SULF2: variants seen among roughly 807,000 people sequenced by gnomAD.
SULF2 encodes the protein sulfatase 2.
In SULF2, 52 loss-of-function variants were observed where a neutral mutation model predicts 107.7. The ratio of observed to expected loss-of-function variants is 0.48; its 90% CI spans 0.39 to 0.61. The LOEUF is 0.61. Among genes scored for constraint, SULF2 ranks in the 20% least tolerant of loss-of-function variants. The probability of loss-of-function intolerance (pLI) is 0.00; values close to 1 mark genes in which losing one functional copy is unlikely to be tolerated. For missense variants in SULF2, 993 were observed against 1,177.3 expected (o/e 0.84, Z 2.29); for synonymous variants, 460 against 464.3 (o/e 0.99, Z 0.12).
At chr20:47,746,994 AATATATATAT>A (rs57147246) in intron 2 of SULF2, among the ~76,000 whole-genome samples, 1 of 131,894 alleles carries the variant, frequency 7.6e-6, no homozygotes, top group Non-Finnish European at 1.6e-5. Context: ...AAAAAAAAAA[AATATATATAT>A]ATATATATAT....
intron 1 of SULF2, among the ~76,000 whole-genome samples, chr20:47,764,849 A>C (rs1481790205): frequency 6.6e-6 from 1 of 152,204 alleles, no homozygotes; most frequent in African/African-American, 2.4e-5. Context: ...AGCTAACATC[A>C]GGGGCCCTGC....
At chr20:47,720,316 A>T (rs1230962737) in intron 3 of SULF2, among the ~76,000 whole-genome samples, 1 of 151,922 alleles carries the variant, frequency 6.6e-6, no homozygotes, top group Non-Finnish European at 1.5e-5. Flanking sequence ...GAGTGCAGTG[A>T]CATGATCTTG....
At chr20:47,696,954 C>A (rs973875848) in intron 4 of SULF2, among the ~76,000 whole-genome samples, 1 of 152,138 alleles carries the variant, frequency 6.6e-6, no homozygotes, top group African/African-American at 2.4e-5. Context: ...TCCATCACGC[C>A]GTCTCCTGCC....
chr20:47,730,760 T>C (rs1291060153), intron 3 of SULF2, among the ~76,000 whole-genome samples: 1 of 151,662 alleles, frequency 6.6e-6, no homozygotes, highest in African/African-American at 2.4e-5. Flanking sequence ...CTGATGTTAC[T>C]TTTTTTTTGT....
rs374191445 is a variant in SULF2 at position 47,779,823 on chromosome 20, T to C, written c.-101+5520A>G. ...GGTTTCACCATGTTGGCCAGGCTAG[T>C]CTTGAACTCCTGACCTCAGGTGATC... On this transcript the variant is annotated intron_variant, in intron 1 of 20. Coordinates refer to ENST00000688720, the MANE Select transcript of SULF2 (RefSeq NM_001387048.1). Among the ~76,000 whole-genome samples the C allele has an allele frequency of 7.2e-5, 11 of 152,244 alleles. No individual in the cohort carries two copies. The East Asian group carries it at 1.7e-3, about 24-fold the overall frequency.
At position 47,678,795 on chromosome 20, in the gene SULF2, G is replaced by A; in HGVS notation, c.1074C>T (p.His358=). ...PNVEAGCLNP[H]IVLNIDLAPT... Reference sequence around the variant, plus strand: ...GGGCCAGGTCAATGTTGAGGACGATGTGGGGATTCCTGGGGGAGGCAGGAG... The same window carrying A: ...GGGCCAGGTCAATGTTGAGGACGATATGGGGATTCCTGGGGGAGGCAGGAG... Residue 358 remains histidine, a synonymous_variant, in exon 8 of 21, where the codon CAC becomes CAT. Coordinates refer to ENST00000688720, the MANE Select transcript of SULF2 (RefSeq NM_001387048.1). This position sits in a 1 kb window ranked among gnomAD's most constrained non-coding sequence, Gnocchi z 4.5. The A allele has an allele frequency of 6.2e-7, 1 of 1,613,444 alleles. No individual in the cohort carries two copies. The highest frequency in any genetic ancestry group is 1.7e-5 in the Admixed American group (1 of 60,000).
At chr20:47,758,768 GAGCATGA>G (rs370567345) in intron 1 of SULF2, among the ~76,000 whole-genome samples, 342 of 152,332 alleles carry the variant, frequency 2.2e-3, no homozygotes, top group African/African-American at 8.1e-3. Context: ...TAAAACAAGA[GAGCATGA>G]GCGAGAGAGC....
rs114645538 is a variant in SULF2 at position 47,683,157 on chromosome 20, G to A, written c.901C>T (p.Leu301=). The A allele has an allele frequency of 4.1e-4, 657 of 1,600,440 alleles. 4 individuals carry two copies. In the African/African-American group the frequency reaches 7.9e-3, roughly 19 times the overall value. The change falls in exon 7 of 21, where the codon CTG becomes TTG. Residue 301 remains leucine (L), a synonymous_variant. Transcript: ENST00000688720. Reference sequence around the variant, plus strand: ...TTGTCCAGCTCGCCCGTCTCAACCAGCATGTTGTAAATCTGCAACACGGGC... The same window carrying A: ...TTGTCCAGCTCGCCCGTCTCAACCAACATGTTGTAAATCTGCAACACGGGC... The part of the protein sequence containing the change: ...DDSMETIYNM[L]VETGELDNTY...
intron 2 of SULF2, among the ~76,000 whole-genome samples, chr20:47,745,408 AAAATATATATATATATATATAT>A (rs2090003573): frequency 6.2e-5 from 1 of 16,200 alleles, no homozygotes; most frequent in Admixed American, 1.1e-3. Flanking sequence ...AAAAAAAAAA[AAAATATATATATATATATATAT>A]ATATATATAT....
chr20:47,715,964 T>C (rs2089107575), intron 3 of SULF2, among the ~76,000 whole-genome samples: 2 of 152,234 alleles, frequency 1.3e-5, no homozygotes, highest in African/African-American at 4.8e-5. Context: ...CTTGTCTTCC[T>C]ATTTGCTTGT....
At chr20:47,760,493 TA>T (rs1355839804) in intron 1 of SULF2, among the ~76,000 whole-genome samples, 3 of 152,120 alleles carry the variant, frequency 2.0e-5, no homozygotes, top group African/African-American at 7.2e-5. Flanking sequence ...CTCGGGAAAG[TA>T]AGGGCTCCTG....
At chr20:47,677,054 T>G in intron 9 of SULF2, 24 bp downstream of exon 9, 1 of 1,611,302 alleles carries the variant, frequency 6.2e-7, no homozygotes, top group Non-Finnish European at 8.5e-7. Flanking sequence ...GGCAGGGGTG[T>G]CCCTCCCAGG....
At chr20:47,688,575 C>T (rs1037022933) in intron 5 of SULF2, among the ~76,000 whole-genome samples, 11 of 152,218 alleles carry the variant, frequency 7.2e-5, no homozygotes, top group Non-Finnish European at 1.5e-4. Flanking sequence ...GAGTGGCCTC[C>T]ACCCGCTGCA....
intron 4 of SULF2, among the ~76,000 whole-genome samples, chr20:47,691,590 C>T (rs1398680565): frequency 1.3e-5 from 2 of 152,128 alleles, no homozygotes; most frequent in Non-Finnish European, 2.9e-5. Flanking sequence ...GAGTTCCAGG[C>T]AGAGATAACG....
intron 2 of SULF2, among the ~76,000 whole-genome samples, chr20:47,742,991 TG>T (rs1245556611): frequency 2.8e-5 from 4 of 140,376 alleles, no homozygotes; most frequent in African/African-American, 5.3e-5. Flanking sequence ...TCCTATCTGT[TG>T]GAGGCCTGCT....
chr20:47,770,053 G>GTTTT (rs56786760), intron 1 of SULF2, among the ~76,000 whole-genome samples: 723 of 63,108 alleles, frequency 0.011, 63 homozygotes, highest in African/African-American at 0.034. Context: ...ATCTGGTGTA[G>GTTTT]TTTTTTTTTT....
rs374952714 is a variant in SULF2, at chr20:47,666,125, C to T, written c.1805+135G>A. 11 of 1,612,566 alleles carry T rather than the reference C, an allele frequency of 6.8e-6. No individual in the cohort carries two copies. In the Admixed American group the frequency reaches 1.0e-4, roughly 15 times the overall value. Reference sequence around the variant, plus strand: ...TTAATGGGGTTGGCGGCTGAATAGTCGGGAAGGCCTCCAGTGCCACTGAAG... The same window carrying T: ...TTAATGGGGTTGGCGGCTGAATAGTTGGGAAGGCCTCCAGTGCCACTGAAG... On this transcript the variant is annotated intron_variant, in intron 12 of 20. Coordinates refer to ENST00000688720, the MANE Select transcript of SULF2 (RefSeq NM_001387048.1). The surrounding 1 kb of genome is among the most constrained non-coding windows in gnomAD (Gnocchi z 5.4).
In SULF2 at chr20:47,676,975, C is replaced by G. The variant is rs2087662637; in HGVS notation, c.1250+103G>C. 8.5e-6 allele frequency: 11 copies of G among 1,293,968 alleles called. No individual in the cohort carries two copies. The South Asian group carries it at 1.4e-4, about 16-fold the overall frequency. 80.2% of individuals were successfully genotyped at this position (1,293,968 alleles called of 1,614,324 possible). ...GGGGCCTTTGGACCAACTTCAGAGCCATGGGCAGCTCCTGAATAGCATGAT... is the reference window on the plus strand; with the variant it reads ...GGGGCCTTTGGACCAACTTCAGAGCGATGGGCAGCTCCTGAATAGCATGAT... On this transcript the variant is annotated intron_variant, in intron 9 of 20. Transcript: ENST00000688720.
Position 47,666,347 on chromosome 20 carries a change from T to C in SULF2, c.1718A>G (p.Asp573Gly). Residue 573 changes from aspartate to glycine, a missense_variant, in exon 12 of 21, where the codon GAC becomes GGC. Around this residue, in one of 3 missense-constraint regions of SULF2, gnomAD observed 497 missense variants for 544.1 expected, o/e 0.91. Coordinates refer to ENST00000688720, the MANE Select transcript of SULF2 (RefSeq NM_001387048.1). This position sits in a 1 kb window ranked among gnomAD's most constrained non-coding sequence, Gnocchi z 5.4. ...TKRHWPGAPEDQDDKDGGDFS... is the reference protein window; with the variant it reads ...TKRHWPGAPEGQDDKDGGDFS... ...GTCCCCACCATCCTTGTCATCTTGG[T>C]CCTCAGGGGCCCCTGGCCAGTGCCG... 2 of 1,614,214 alleles carry C rather than the reference T, an allele frequency of 1.2e-6. No homozygotes were observed. The highest frequency in any genetic ancestry group is 8.5e-7 in the Non-Finnish European group (1 of 1,180,056).
Sources: gnomAD v4.1 joint callset for allele counts (sites outside exome capture counted in the v4.1 genomes callset) on GRCh38, gnomAD v4.1.1 for gene constraint, gnomAD v4.1.1 regional missense constraint, Gnocchi (gnomAD v3.1) non-coding constraint, MANE v1.5 for transcripts, NCBI Gene and HGNC (gene_info 2026-07-23, HGNC 2026-07-21) for gene names.